The following ATP8A1 variants were observed in gnomAD, a reference collection of about 807,000 sequenced individuals.
The protein encoded by ATP8A1 is phospholipid-transporting ATPase IA.
Under a neutral mutation model 177.7 loss-of-function variants are expected in ATP8A1, and 90 were observed. That is an observed-to-expected ratio of 0.51 (90% CI 0.43 to 0.60). The LOEUF (loss-of-function observed/expected upper bound fraction) is 0.60, where lower values mean the gene tolerates loss of function less well. ATP8A1 is among the 20% of genes least tolerant of loss of function. The pLI is 0.00. For synonymous variants in ATP8A1, 493 were observed against 485.9 expected (o/e 1.01, Z -0.19); for missense variants, 1,072 against 1,392.8 (o/e 0.77, Z 3.67).
intron 20 of ATP8A1, among the ~76,000 whole-genome samples, chr4:42,532,486 AAAAT>A (rs1727373069): frequency 6.6e-6 from 1 of 152,150 alleles, no homozygotes; most frequent in Non-Finnish European, 1.5e-5. Context: ...TCTCAAAAAA[AAAAT>A]AAATAAATTG....
chr4:42,459,270 T>G (rs1263284476), intron 27 of ATP8A1: 1 of 156,054 alleles, frequency 6.4e-6, no homozygotes, highest in Non-Finnish European at 1.4e-5. Flanking sequence ...ACAAATCACA[T>G]AATTCTGGGT....
intron 1 of ATP8A1, among the ~76,000 whole-genome samples, chr4:42,641,354 G>A (rs537105782): frequency 7.3e-4 from 111 of 152,260 alleles, no homozygotes; most frequent in African/African-American, 2.5e-3. Flanking sequence ...AGGTGTCTGA[G>A]AATGGAATGG....
chr4:42,547,107 T>C (rs73165773), intron 19 of ATP8A1, among the ~76,000 whole-genome samples: 1 of 152,244 alleles, frequency 6.6e-6, no homozygotes, highest in Non-Finnish European at 1.5e-5. Context: ...GCTTGCCTGA[T>C]AGCTCTGCTT....
chr4:42,632,056 C>T (rs1262864044), intron 1 of ATP8A1, among the ~76,000 whole-genome samples: 1 of 152,168 alleles, frequency 6.6e-6, no homozygotes, highest in Non-Finnish European at 1.5e-5. Flanking sequence ...CATTATTAGT[C>T]TTCTTAAATT....
intron 20 of ATP8A1, among the ~76,000 whole-genome samples, chr4:42,540,710 T>C (rs905114080): frequency 1.3e-5 from 2 of 150,240 alleles, no homozygotes; most frequent in South Asian, 2.1e-4. Context: ...TATTCTCACT[T>C]ATATGTGAGA....
chr4:42,591,986 T>G (rs993998503), intron 6 of ATP8A1, among the ~76,000 whole-genome samples: 1 of 152,156 alleles, frequency 6.6e-6, no homozygotes, highest in African/African-American at 2.4e-5. Context: ...AGTCATTACC[T>G]AAAGTCAAAA....
intron 25 of ATP8A1, 37 bp from the exon 26 acceptor site, chr4:42,465,113 A>G (rs1719595381): frequency 1.3e-6 from 2 of 1,569,292 alleles, no homozygotes; most frequent in South Asian, 2.3e-5. Flanking sequence ...CTGTTTTCTG[A>G]AAAAAGGAAT....
At chr4:42,612,656 G>A (rs1736484293) in intron 5 of ATP8A1, among the ~76,000 whole-genome samples, 1 of 151,720 alleles carries the variant, frequency 6.6e-6, no homozygotes, top group Non-Finnish European at 1.5e-5. Flanking sequence ...CTGGGGCAAG[G>A]CTTGTTTCCA....
intron 24 of ATP8A1, 76 bp from the exon 25 acceptor site, chr4:42,485,744 G>A: frequency 2.4e-6 from 3 of 1,232,900 alleles, no homozygotes; most frequent in Non-Finnish European, 3.3e-6. Flanking sequence ...AAGGATATTT[G>A]GCAACTACAT....
At chr4:42,430,967 G>A (rs1715226424) in intron 33 of ATP8A1, among the ~76,000 whole-genome samples, 2 of 151,610 alleles carry the variant, frequency 1.3e-5, no homozygotes, top group African/African-American at 4.8e-5. Context: ...CCTCTCCCCT[G>A]CACTCAAGTC....
At chr4:42,588,492 A>G in intron 7 of ATP8A1, 163 bp from the exon 8 acceptor site, 1 of 578,296 alleles carries the variant, frequency 1.7e-6, no homozygotes, top group Admixed American at 3.4e-5. Flanking sequence ...GCTGTGAGGC[A>G]GAACCCATGC....
At chr4:42,489,480 T>C (rs964956673) in intron 24 of ATP8A1, among the ~76,000 whole-genome samples, 8 of 152,218 alleles carry the variant, frequency 5.3e-5, no homozygotes, top group Non-Finnish European at 7.3e-5. Flanking sequence ...AGAGATGTGA[T>C]AGAAATAACA....
intron 35 of ATP8A1, among the ~76,000 whole-genome samples, chr4:42,416,308 A>G (rs888835763): frequency 4.6e-5 from 7 of 152,184 alleles, no homozygotes; most frequent in African/African-American, 1.7e-4. Context: ...TGACTACGGG[A>G]GACTAGAGGA....
At chr4:42,483,728 G>A (rs1721926027) in intron 25 of ATP8A1, among the ~76,000 whole-genome samples, 1 of 152,100 alleles carries the variant, frequency 6.6e-6, no homozygotes, top group African/African-American at 2.4e-5. Context: ...TTTGAAGAAT[G>A]GTGGGAGGTA....
chr4:42,591,626 G>A (rs1283295716), intron 6 of ATP8A1, among the ~76,000 whole-genome samples: 7 of 152,088 alleles, frequency 4.6e-5, no homozygotes, highest in South Asian at 4.1e-4. Context: ...TAGACATGCG[G>A]AGAATATGGA....
intron 1 of ATP8A1, among the ~76,000 whole-genome samples, chr4:42,647,653 A>G (rs893105421): frequency 6.6e-6 from 1 of 151,916 alleles, no homozygotes; most frequent in Admixed American, 6.6e-5. Flanking sequence ...TAGCTGCTTG[A>G]TTGTGGCTCA....
intron 1 of ATP8A1, among the ~76,000 whole-genome samples, chr4:42,638,866 C>T (rs1739650584): frequency 6.6e-6 from 1 of 152,092 alleles, no homozygotes; most frequent in African/African-American, 2.4e-5. Context: ...TTAAGTTCAC[C>T]TCTAAAAATG....
intron 4 of ATP8A1, among the ~76,000 whole-genome samples, chr4:42,617,651 C>T (rs930663758): frequency 2.0e-5 from 3 of 152,078 alleles, no homozygotes; most frequent in Non-Finnish European, 2.9e-5. Context: ...TTCCAAAATA[C>T]GAGACAATGG....
intron 9 of ATP8A1, among the ~76,000 whole-genome samples, chr4:42,582,505 ACT>A (rs369369567): frequency 3.4e-4 from 22 of 63,786 alleles, no homozygotes; most frequent in African/African-American, 9.2e-4. Flanking sequence ...CCCCCCACAC[ACT>A]CTCTCTCCCC....
Sources: gnomAD v4.1 joint callset for allele counts (sites outside exome capture counted in the v4.1 genomes callset) on GRCh38, gnomAD v4.1.1 for gene constraint, MANE v1.5 for transcripts, NCBI Gene and HGNC (gene_info 2026-07-23, HGNC 2026-07-21) for gene names.